PTK2B: variants seen among roughly 807,000 people sequenced by gnomAD.
PTK2B encodes protein-tyrosine kinase 2-beta.
A neutral mutation model predicts 142.9 loss-of-function variants in PTK2B; 71 were observed. That is an observed-to-expected ratio of 0.50 (90% CI 0.41 to 0.61). PTK2B has a LOEUF of 0.61. PTK2B is among the 20% of genes least tolerant of loss of function. PTK2B has a pLI of 0.00. For synonymous variants in PTK2B, 519 were observed against 503.4 expected (o/e 1.03, Z -0.42); for missense variants, 1,105 against 1,320.4 (o/e 0.84, Z 2.53).
chr8:27,420,519 G>T, intron 3 of PTK2B, 138 bp from the exon 4 acceptor site: 1 of 803,590 alleles, frequency 1.2e-6, no homozygotes, highest in African/African-American at 1.7e-5. Flanking sequence ...AACCAGCCCT[G>T]AATGAGTGGC....
At chr8:27,391,486 G>A (rs1807724132) in intron 1 of PTK2B, among the ~76,000 whole-genome samples, 1 of 152,176 alleles carries the variant, frequency 6.6e-6, no homozygotes, top group Non-Finnish European at 1.5e-5. Context: ...AAGAGGCTAA[G>A]CTGTTTACTG....
chr8:27,387,600 G>A (rs1807448165), intron 1 of PTK2B, among the ~76,000 whole-genome samples: 1 of 152,126 alleles, frequency 6.6e-6, no homozygotes, highest in Admixed American at 6.5e-5. Flanking sequence ...CAAACCCCAG[G>A]CCCTCAGCTT....
At chr8:27,417,807 C>G (rs1809493711) in intron 2 of PTK2B, among the ~76,000 whole-genome samples, 1 of 152,050 alleles carries the variant, frequency 6.6e-6, no homozygotes, top group East Asian at 1.9e-4. Context: ...TAGATATTAG[C>G]CAAGTAGGTT....
At chr8:27,377,564 C>T (rs776282957) in intron 1 of PTK2B, among the ~76,000 whole-genome samples, 2 of 152,184 alleles carry the variant, frequency 1.3e-5, no homozygotes, top group Admixed American at 1.3e-4. Context: ...CTGATTCTGT[C>T]TCCAGCTGAG....
At position 27,439,071 on chromosome 8, in the gene PTK2B, T is replaced by G. The variant is rs775328150; in HGVS notation, c.1684T>G (p.Cys562Gly). Residue 562 changes from cysteine (C) to glycine (G), a missense_variant, in exon 19 of 31, where the codon TGT becomes GGT. Transcript: ENST00000346049. ...VRNILVASPE[C>G]VKLGDFGLSR... Reference sequence around the variant, plus strand: ...GAACATCCTGGTGGCCTCCCCTGAGTGTGTGAAGCTGGGGGACTTTGGTCT... The same window carrying G: ...GAACATCCTGGTGGCCTCCCCTGAGGGTGTGAAGCTGGGGGACTTTGGTCT... 6 of 1,614,056 alleles carry G rather than the reference T, an allele frequency of 3.7e-6. No individual in the cohort carries two copies. Among genetic ancestry groups the G allele is most frequent in the Non-Finnish European group, 5.1e-6 (6 of 1,179,990 alleles).
In PTK2B at chr8:27,353,630, G is replaced by A. The variant is rs143023659; in HGVS notation, c.-38+27949G>A. ...TATCTACCTAGTAATGGCAGACCAA[G>A]ACAGCACTTGAACAGATGAGGCAAC... On this transcript the variant is annotated intron_variant, in intron 1 of 30. Coordinates refer to ENST00000346049, the MANE Select transcript of PTK2B (RefSeq NM_173176.3). 1.3e-3 allele frequency among the ~76,000 whole-genome samples: 192 copies of A among 152,282 alleles called. 1 individual carries two copies. The highest frequency in any genetic ancestry group is 3.4e-3 in the Middle Eastern group (1 of 294).
chr8:27,383,513 C>A (rs1378973460), intron 1 of PTK2B, among the ~76,000 whole-genome samples: 1 of 152,132 alleles, frequency 6.6e-6, no homozygotes, highest in African/African-American at 2.4e-5. Flanking sequence ...CCCACCTTGA[C>A]CTCCCAAAGT....
chr8:27,450,675 C>T, intron 24 of PTK2B, 74 bp from the exon 25 acceptor site: 1 of 1,573,408 alleles, frequency 6.4e-7, no homozygotes, highest in Non-Finnish European at 8.7e-7. Context: ...TGAGGTTCTT[C>T]AGAGGACTGT....
intron 8 of PTK2B, 118 bp from the exon 9 acceptor site, chr8:27,431,277 GAGA>G (rs1810402643): frequency 7.7e-6 from 12 of 1,563,070 alleles, no homozygotes; most frequent in African/African-American, 1.3e-5. Context: ...GGGTTTCGGT[GAGA>G]AGGAGCTGGA....
At chr8:27,354,257 C>G (rs565938346) in intron 1 of PTK2B, among the ~76,000 whole-genome samples, 2 of 152,246 alleles carry the variant, frequency 1.3e-5, no homozygotes, top group African/African-American at 4.8e-5. Flanking sequence ...TGGCTAAGAT[C>G]GTGTGTCCAT....
intron 28 of PTK2B, 61 bp downstream of exon 28, chr8:27,453,221 C>T (rs1811932349): frequency 1.9e-6 from 3 of 1,582,154 alleles, no homozygotes; most frequent in Non-Finnish European, 2.6e-6. Context: ...AACTGAAGAC[C>T]ATGGTCTATG....
rs774798665 is a variant in PTK2B, at chr8:27,436,289, A to G, written c.1282A>G (p.Asn428Asp). 6.2e-7 allele frequency: 1 copy of G among 1,614,102 alleles called. No homozygotes were observed. The highest frequency in any genetic ancestry group is 1.1e-5 in the South Asian group (1 of 91,070). The change falls in exon 15 of 31, where the codon AAT becomes GAT. Residue 428 changes from asparagine to aspartate, a missense_variant. Coordinates refer to ENST00000346049, the MANE Select transcript of PTK2B (RefSeq NM_173176.3). Reference sequence around the variant, plus strand: ...CATTGCCCGTGAAGATGTGGTCCTGAATCGTATTCTTGGGGAAGGCTTTTT... The same window carrying G: ...CATTGCCCGTGAAGATGTGGTCCTGGATCGTATTCTTGGGGAAGGCTTTTT... ...YGIAREDVVL[N>D]RILGEGFFGE...
chr8:27,360,893 A>G (rs1274790432), intron 1 of PTK2B, among the ~76,000 whole-genome samples: 1 of 152,170 alleles, frequency 6.6e-6, no homozygotes, highest in Non-Finnish European at 1.5e-5. Context: ...TCGAAATAAA[A>G]CGTGTCGGTC....
chr8:27,314,105 TAGAC>T lies in PTK2B; in HGVS notation c.-414+825_-414+828del, dbSNP rs150076675. On this transcript the variant is annotated intron_variant, in intron 3 of 35. Coordinates refer to the PTK2B transcript ENST00000397501. Reference sequence around the variant, plus strand: ...ATGTTCGTAGAGGCCAAGAAAAATCTAGACAGACAGGCCTAGGTTCCCCACTCAG... The same window carrying T: ...ATGTTCGTAGAGGCCAAGAAAAATCTAGACAGGCCTAGGTTCCCCACTCAG... 1.1e-4 allele frequency among the ~76,000 whole-genome samples: 17 copies of T among 152,358 alleles called. No individual in the cohort carries two copies. The East Asian group carries it at 2.7e-3, about 24-fold the overall frequency.
intron 1 of PTK2B, among the ~76,000 whole-genome samples, chr8:27,332,721 A>G (rs1293930749): frequency 6.6e-6 from 1 of 152,192 alleles, no homozygotes; most frequent in Non-Finnish European, 1.5e-5. Flanking sequence ...AGCTGGGGCC[A>G]CAGGCACATG....
At chr8:27,313,592 C>T (rs1202505448) in intron 3 of PTK2B, among the ~76,000 whole-genome samples, 5 of 152,134 alleles carry the variant, frequency 3.3e-5, no homozygotes, top group Non-Finnish European at 5.9e-5. Context: ...GTGTGAGCTG[C>T]CCGAATGCAC....
At chr8:27,415,934 T>C (rs1241484511) in intron 2 of PTK2B, among the ~76,000 whole-genome samples, 3 of 152,322 alleles carry the variant, frequency 2.0e-5, no homozygotes, top group South Asian at 4.1e-4. Context: ...CAGGCATCAA[T>C]GCTGTTAAGA....
In PTK2B at chr8:27,459,360, T is replaced by C; in HGVS notation, c.*851T>C. On this transcript the variant is annotated 3_prime_UTR_variant, in exon 31 of 31. Coordinates refer to ENST00000346049, the MANE Select transcript of PTK2B (RefSeq NM_173176.3). ...TTTTAACTTCTTTCTATTTGACTTGTGGTTGAATTAAAATTGTCCCATTTG... is the reference window on the plus strand; with the variant it reads ...TTTTAACTTCTTTCTATTTGACTTGCGGTTGAATTAAAATTGTCCCATTTG... 4.3e-6 allele frequency: 1 copy of C among 233,262 alleles called. No individual in the cohort carries two copies. Among genetic ancestry groups the C allele is most frequent in the East Asian group, 6.0e-5 (1 of 16,578 alleles). The allele number at this position is 233,262 out of a possible 1,614,324, so 14.4% of individuals were successfully genotyped here.
At chr8:27,386,784 ATGGTTT>A (rs1360076586) in intron 1 of PTK2B, among the ~76,000 whole-genome samples, 4 of 151,912 alleles carry the variant, frequency 2.6e-5, no homozygotes, top group African/African-American at 9.7e-5. Flanking sequence ...GTTCAAGACA[ATGGTTT>A]TGTTGGTTTT....
Sources: gnomAD v4.1 joint callset for allele counts (sites outside exome capture counted in the v4.1 genomes callset) on GRCh38, gnomAD v4.1.1 for gene constraint, MANE v1.5 for transcripts, NCBI Gene and HGNC (gene_info 2026-07-23, HGNC 2026-07-21) for gene names.